Variants in TSPYL4 observed in about 807,000 individuals in gnomAD.
The protein encoded by TSPYL4 is TSPY like 4.
In TSPYL4, 22 loss-of-function variants were observed where a neutral mutation model predicts 24.2. The ratio of observed to expected loss-of-function variants is 0.91; its 90% CI spans 0.65 to 1.30. The LOEUF is 1.30. Ranked by LOEUF, TSPYL4 falls within the 50% of genes most tolerant of loss-of-function variation. The pLI is 0.00. For missense variants in TSPYL4, 569 were observed against 536.7 expected (o/e 1.06, Z -0.60); for synonymous variants, 211 against 208.2 (o/e 1.01, Z -0.12).
Position 116,252,494 on chromosome 6 carries a change from AG to A in TSPYL4, c.*269del. 2.2e-6 allele frequency: 1 copy of A among 456,030 alleles called. No homozygotes were observed. The highest frequency in any genetic ancestry group is 3.9e-6 in the Non-Finnish European group (1 of 256,040). The allele number at this position is 456,030 out of a possible 1,614,324, so 28.2% of individuals were successfully genotyped here. A position where few individuals can be genotyped will look rare whatever the true frequency, so the allele number is the denominator to read the frequency against. ...AGGCAGTATGGTACACTATATCTAT[AG>A]TATCATACGCTTGGCATAGAAGCCG... On this transcript the variant is annotated 3_prime_UTR_variant, in exon 1 of 1. Transcript: ENST00000420283.
At position 116,253,403 on chromosome 6, in the gene TSPYL4, G is replaced by A. The variant is rs1239765278; in HGVS notation, c.606C>T (p.Asn202=). The A allele has an allele frequency of 3.2e-6, 5 of 1,551,998 alleles. No individual in the cohort carries two copies. Among genetic ancestry groups the A allele is most frequent in the South Asian group, 1.2e-5 (1 of 84,100 alleles). Residue 202 remains asparagine (N), a synonymous_variant, in exon 1 of 1, where the codon AAC becomes AAT. Coordinates refer to ENST00000420283, the MANE Select transcript of TSPYL4 (RefSeq NM_021648.5). This position sits in a 1 kb window ranked among gnomAD's most constrained non-coding sequence, Gnocchi z 4.3. ...ETRPRAPKIN[N]CMDSLEAIDQ... ...CGATGGCCTCCAGTGAGTCCATGCA[G>A]TTATTGATCTTCGGGGCCCTGGGCC...
At position 116,253,288 on chromosome 6, in the gene TSPYL4, G is replaced by T; in HGVS notation, c.721C>A (p.Gln241Lys). The T allele has an allele frequency of 6.2e-7, 1 of 1,605,174 alleles. No individual in the cohort carries two copies. Among genetic ancestry groups the T allele is most frequent in the South Asian group, 1.1e-5 (1 of 89,844 alleles). Residue 241 changes from glutamine to lysine, a missense_variant, in exon 1 of 1, where the codon CAG becomes AAG. Coordinates refer to ENST00000420283, the MANE Select transcript of TSPYL4 (RefSeq NM_021648.5). The surrounding 1 kb of genome is among the most constrained non-coding windows in gnomAD (Gnocchi z 4.3). ...KFGRMRRLHM[Q>K]RRSFIIQNIP... ...TTCTGGATAATGAAACTTCTGCGCT[G>T]CATGTGGAGCCTTCGCATGCGGCCA...
rs1771949684 is a variant in TSPYL4, at chr6:116,251,428, T to C, written c.*1336A>G. ...TGCCTATAACTAAACAATTAACCTATAGGTCTCCCTTTGAAACTTTCAGAC... is the reference window on the plus strand; with the variant it reads ...TGCCTATAACTAAACAATTAACCTACAGGTCTCCCTTTGAAACTTTCAGAC... On this transcript the variant is annotated 3_prime_UTR_variant, in exon 1 of 1. Coordinates refer to ENST00000420283, the MANE Select transcript of TSPYL4 (RefSeq NM_021648.5). The C allele has an allele frequency of 7.6e-6, 3 of 393,236 alleles. No individual in the cohort carries two copies. In the Admixed American group the frequency reaches 1.3e-4, roughly 17 times the overall value. The allele number at this position is 393,236 out of a possible 1,614,324, so 24.4% of individuals were successfully genotyped here.
Position 116,250,663 on chromosome 6 carries a change from C to T in TSPYL4, c.*2101G>A, listed in dbSNP as rs1448684239. The T allele has an allele frequency of 2.0e-5, 3 of 152,250 alleles. No homozygotes were observed. The highest frequency in any genetic ancestry group is 7.2e-5 in the African/African-American group (3 of 41,442). 9.4% of individuals were successfully genotyped at this position (152,250 alleles called of 1,614,324 possible). On this transcript the variant is annotated 3_prime_UTR_variant, in exon 1 of 1. Coordinates refer to ENST00000420283, the MANE Select transcript of TSPYL4 (RefSeq NM_021648.5). ...CTGGAGAGCACCTCAGGGGCCTCCC[C>T]TCCCACCCCTGATCCTGCAGGTTCT...
At position 116,253,118 on chromosome 6, in the gene TSPYL4, C is replaced by T; in HGVS notation, c.891G>A (p.Lys297=). 6.2e-7 allele frequency: 1 copy of T among 1,614,080 alleles called. No individual in the cohort carries two copies. Among genetic ancestry groups the T allele is most frequent in the Non-Finnish European group, 8.5e-7 (1 of 1,180,006 alleles). The change falls in exon 1 of 1, where the codon AAG becomes AAA. Residue 297 remains lysine (K), a synonymous_variant. Coordinates refer to ENST00000420283, the MANE Select transcript of TSPYL4 (RefSeq NM_021648.5). The surrounding 1 kb of genome is among the most constrained non-coding windows in gnomAD (Gnocchi z 4.3). ...AGTAGGGGTTGCCCTGAAAGATGAACTTGAATTTGCAGCCTGCTCTGGGGT... is the reference window on the plus strand; with the variant it reads ...AGTAGGGGTTGCCCTGAAAGATGAATTTGAATTTGCAGCCTGCTCTGGGGT... ...LKHPRAGCKF[K]FIFQGNPYFR...
chr6:116,250,909 T>C lies in TSPYL4; in HGVS notation c.*1855A>G. On this transcript the variant is annotated 3_prime_UTR_variant, in exon 1 of 1. Coordinates refer to ENST00000420283, the MANE Select transcript of TSPYL4 (RefSeq NM_021648.5). ...CATAACTAAGCCTTGACGGCATCACTGTCCCACCTACTGGAACTTGTCCGT... is the reference window on the plus strand; with the variant it reads ...CATAACTAAGCCTTGACGGCATCACCGTCCCACCTACTGGAACTTGTCCGT... The C allele has an allele frequency of 3.1e-6, 1 of 324,790 alleles. No homozygotes were observed. The highest frequency in any genetic ancestry group is 5.6e-6 in the Non-Finnish European group (1 of 180,018). 20.1% of individuals were successfully genotyped at this position (324,790 alleles called of 1,614,324 possible). A position where few individuals can be genotyped will look rare whatever the true frequency, so the allele number is the denominator to read the frequency against.
Position 116,253,004 on chromosome 6 carries a change from G to T in TSPYL4, c.1005C>A (p.Gly335=). 1.2e-6 allele frequency: 2 copies of T among 1,614,182 alleles called. No individual in the cohort carries two copies. The highest frequency in any genetic ancestry group is 1.7e-6 in the Non-Finnish European group (2 of 1,180,038). Residue 335 remains glycine (G), a synonymous_variant, in exon 1 of 1, where the codon GGC becomes GGA. Coordinates refer to ENST00000420283, the MANE Select transcript of TSPYL4 (RefSeq NM_021648.5). This position sits in a 1 kb window ranked among gnomAD's most constrained non-coding sequence, Gnocchi z 4.3. ...TGTGGATATGAGCCTGGGGGTCTTG[G>T]CCTCGGTGCCAGCGGATTGGAGTGG... is the stretch of plus-strand genomic sequence containing the variant. ...SLSTPIRWHR[G]QDPQAHIHRN...
At position 116,253,092 on chromosome 6, in the gene TSPYL4, A is replaced by C. The variant is rs760090815; in HGVS notation, c.917T>G (p.Phe306Cys). The part of the protein sequence containing the change: ...FKFIFQGNPY[F>C]RNEGLVKEYE... ...TTCCTTGACAAGCCCCTCATTTCGG[A>C]AGTAGGGGTTGCCCTGAAAGATGAA... Residue 306 changes from phenylalanine (F) to cysteine (C), a missense_variant, in exon 1 of 1, where the codon TTC (phenylalanine) becomes TGC (cysteine). Physicochemically the swap from Phe to Cys is radical, Grantham distance 205 (BLOSUM62 -2). Transcript: ENST00000420283. This position sits in a 1 kb window ranked among gnomAD's most constrained non-coding sequence, Gnocchi z 4.3. The C allele has an allele frequency of 6.2e-7, 1 of 1,613,998 alleles. No homozygotes were observed. The highest frequency in any genetic ancestry group is 1.7e-5 in the Admixed American group (1 of 60,012).
At position 116,250,252 on chromosome 6, in the gene TSPYL4, A is replaced by G. The variant is rs1302632725; in HGVS notation, c.*2512T>C. 4 of 152,678 alleles carry G rather than the reference A, an allele frequency of 2.6e-5. No individual in the cohort carries two copies. Among genetic ancestry groups the G allele is most frequent in the African/African-American group, 9.6e-5 (4 of 41,474 alleles). 9.5% of individuals were successfully genotyped at this position (152,678 alleles called of 1,614,324 possible). Reference sequence around the variant, plus strand: ...ACTATTGAAAGATCACATTCAAATTATATTTCTAAGAATAGAGCCATATAT... The same window carrying G: ...ACTATTGAAAGATCACATTCAAATTGTATTTCTAAGAATAGAGCCATATAT... On this transcript the variant is annotated 3_prime_UTR_variant, in exon 1 of 1. Coordinates refer to ENST00000420283, the MANE Select transcript of TSPYL4 (RefSeq NM_021648.5).
At position 116,252,734 on chromosome 6, in the gene TSPYL4, C is replaced by G; in HGVS notation, c.*30G>C. Reference sequence around the variant, plus strand: ...GGTCCAAGAGGAGGTGGTAAGGAAACTTGTGCAGAAGCTTCTCACAGGACA... The same window carrying G: ...GGTCCAAGAGGAGGTGGTAAGGAAAGTTGTGCAGAAGCTTCTCACAGGACA... On this transcript the variant is annotated 3_prime_UTR_variant, in exon 1 of 1. Transcript: ENST00000420283. 6.5e-7 allele frequency: 1 copy of G among 1,537,044 alleles called. No homozygotes were observed. The highest frequency in any genetic ancestry group is 8.8e-7 in the Non-Finnish European group (1 of 1,141,686).
Position 116,252,752 on chromosome 6 carries a change from A to G in TSPYL4, c.*12T>C, listed in dbSNP as rs769169017. The G allele has an allele frequency of 3.8e-6, 6 of 1,568,986 alleles. No individual in the cohort carries two copies. In the East Asian group the frequency reaches 1.4e-4, roughly 36 times the overall value. Reference sequence around the variant, plus strand: ...AAGGAAACTTGTGCAGAAGCTTCTCACAGGACAGAGATTAGCCAGACTGGA... The same window carrying G: ...AAGGAAACTTGTGCAGAAGCTTCTCGCAGGACAGAGATTAGCCAGACTGGA... On this transcript the variant is annotated 3_prime_UTR_variant, in exon 1 of 1. Coordinates refer to ENST00000420283, the MANE Select transcript of TSPYL4 (RefSeq NM_021648.5).
rs1355318577 is a variant in TSPYL4, at chr6:116,253,455, ACCTTTTTTT to A, written c.545_553del (p.Glu182_Lys184del). 1.3e-6 allele frequency: 2 copies of A among 1,551,084 alleles called. No homozygotes were observed. The highest frequency in any genetic ancestry group is 1.7e-6 in the Non-Finnish European group (2 of 1,146,844). ...TGTCTCCTCTTTCACCCCTCCTGCCACCTTTTTTTCCTTCTGCACTACCTTCTTTTCCTC... is the reference window on the plus strand; with the variant it reads ...TGTCTCCTCTTTCACCCCTCCTGCCACCTTCTGCACTACCTTCTTTTCCTC... On this transcript the variant is annotated inframe_deletion, in exon 1 of 1. Transcript: ENST00000420283. The surrounding 1 kb of genome is among the most constrained non-coding windows in gnomAD (Gnocchi z 4.3).
At position 116,251,391 on chromosome 6, in the gene TSPYL4, C is replaced by T. The variant is rs1158405709; in HGVS notation, c.*1373G>A. 5.0e-6 allele frequency: 2 copies of T among 396,284 alleles called. No individual in the cohort carries two copies. Among genetic ancestry groups the T allele is most frequent in the Non-Finnish European group, 8.9e-6 (2 of 225,178 alleles). The allele number at this position is 396,284 out of a possible 1,614,324, so 24.5% of individuals were successfully genotyped here. A position where few individuals can be genotyped will look rare whatever the true frequency, so the allele number is the denominator to read the frequency against. ...AAAAGATAAATATGTCAAAATCTGC[C>T]TAATTTAACACTGCCTATAACTAAA... is the stretch of plus-strand genomic sequence containing the variant. On this transcript the variant is annotated 3_prime_UTR_variant, in exon 1 of 1. Coordinates refer to ENST00000420283, the MANE Select transcript of TSPYL4 (RefSeq NM_021648.5).
At position 116,252,861 on chromosome 6, in the gene TSPYL4, T is replaced by G. The variant is rs563441481; in HGVS notation, c.1148A>C (p.Gln383Pro). Reference sequence around the variant, plus strand: ...GGGCCCTTCACCCATCAGGTAGTATTGTAGGGGATTGGGCCACAGTTCTCC... The same window carrying G: ...GGGCCCTTCACCCATCAGGTAGTATGGTAGGGGATTGGGCCACAGTTCTCC... ...IKGELWPNPL[Q>P]YYLMGEGPRR... Residue 383 changes from glutamine (Q) to proline (P), a missense_variant, in exon 1 of 1, where the codon CAA (glutamine) becomes CCA (proline). Gln to Pro is a moderately conservative substitution (Grantham distance 76). Coordinates refer to ENST00000420283, the MANE Select transcript of TSPYL4 (RefSeq NM_021648.5). 3 of 1,602,964 alleles carry G rather than the reference T, an allele frequency of 1.9e-6. No individual in the cohort carries two copies. The highest frequency in any genetic ancestry group is 2.2e-5 in the South Asian group (2 of 89,472).
At position 116,250,417 on chromosome 6, in the gene TSPYL4, G is replaced by A. The variant is rs1771929038; in HGVS notation, c.*2347C>T. 1.3e-5 allele frequency: 2 copies of A among 152,568 alleles called. No individual in the cohort carries two copies. The highest frequency in any genetic ancestry group is 2.9e-5 in the Non-Finnish European group (2 of 68,034). 9.5% of individuals were successfully genotyped at this position (152,568 alleles called of 1,614,324 possible). A position where few individuals can be genotyped will look rare whatever the true frequency, so the allele number is the denominator to read the frequency against. On this transcript the variant is annotated 3_prime_UTR_variant, in exon 1 of 1. Transcript: ENST00000420283. ...GCCTGTAAACATCAATTTTGTCATA[G>A]GCTGAAACAGAGAAAGGAAATGGAT...
At position 116,254,055 on chromosome 6, in the gene TSPYL4, C is replaced by A. The variant is rs1203735844; in HGVS notation, c.-47G>T. On this transcript the variant is annotated 5_prime_UTR_variant, in exon 1 of 1. Transcript: ENST00000420283. ...GGGAGAGGGAGAGTTCCTTGTCCTC[C>A]GCAGCGGCCGAGCTCTGCCCGAAAC... The A allele has an allele frequency of 4.0e-6, 6 of 1,518,870 alleles. No homozygotes were observed. The South Asian group carries it at 5.2e-5, about 13-fold the overall frequency. 94.1% of individuals were successfully genotyped at this position (1,518,870 alleles called of 1,614,324 possible). A position where few individuals can be genotyped will look rare whatever the true frequency, so the allele number is the denominator to read the frequency against.
rs902041598 is a variant in TSPYL4, at chr6:116,251,657, A to C, written c.*1107T>G. 2 of 73,408 alleles carry C rather than the reference A, an allele frequency of 2.7e-5. No homozygotes were observed. Among genetic ancestry groups the C allele is most frequent in the African/African-American group, 7.5e-5 (1 of 13,420 alleles). 4.5% of individuals were successfully genotyped at this position (73,408 alleles called of 1,614,324 possible). On this transcript the variant is annotated 3_prime_UTR_variant, in exon 1 of 1. Coordinates refer to ENST00000420283, the MANE Select transcript of TSPYL4 (RefSeq NM_021648.5). ...GGATGGGAGGGAGAGGGGGAGGGAG[A>C]GGGGAGGAGGAGGGAGAGAAAGAGA...
chr6:116,253,056 C>T lies in TSPYL4; in HGVS notation c.953G>A (p.Arg318Lys). Reference sequence around the variant, plus strand: ...AAGAGACACCACCCGGCCAGAGGATCTGCGTTCATATTCCTTGACAAGCCC... The same window carrying T: ...AAGAGACACCACCCGGCCAGAGGATTTGCGTTCATATTCCTTGACAAGCCC... The part of the protein sequence containing the change: ...NEGLVKEYER[R>K]SSGRVVSLST... The change falls in exon 1 of 1, where the codon AGA (arginine) becomes AAA (lysine). Residue 318 changes from arginine (R) to lysine (K), a missense_variant. Physicochemically the swap from Arg to Lys is conservative, Grantham distance 26. Coordinates refer to ENST00000420283, the MANE Select transcript of TSPYL4 (RefSeq NM_021648.5). The surrounding 1 kb of genome is among the most constrained non-coding windows in gnomAD (Gnocchi z 4.3). The T allele has an allele frequency of 1.2e-6, 2 of 1,614,148 alleles. No homozygotes were observed. The highest frequency in any genetic ancestry group is 2.2e-5 in the South Asian group (2 of 91,082).
At position 116,252,498 on chromosome 6, in the gene TSPYL4, T is replaced by C; in HGVS notation, c.*266A>G. The C allele has an allele frequency of 2.1e-6, 1 of 482,194 alleles. No homozygotes were observed. Among genetic ancestry groups the C allele is most frequent in the Non-Finnish European group, 3.7e-6 (1 of 270,478 alleles). The allele number at this position is 482,194 out of a possible 1,614,324, so 29.9% of individuals were successfully genotyped here. A position where few individuals can be genotyped will look rare whatever the true frequency, so the allele number is the denominator to read the frequency against. On this transcript the variant is annotated 3_prime_UTR_variant, in exon 1 of 1. Transcript: ENST00000420283. ...AGTATGGTACACTATATCTATAGTA[T>C]CATACGCTTGGCATAGAAGCCGTAG...
Sources: gnomAD v4.1 joint callset for allele counts on GRCh38, gnomAD v4.1.1 for gene constraint, Gnocchi (gnomAD v3.1) non-coding constraint, MANE v1.5 for transcripts, NCBI Gene and HGNC (gene_info 2026-07-23, HGNC 2026-07-21) for gene names.